Variants in PDGFD observed in about 807,000 individuals in gnomAD.
PDGFD encodes platelet-derived growth factor D.
In PDGFD, 30 loss-of-function variants were observed where a neutral mutation model predicts 44.7. That is an observed-to-expected ratio of 0.67 (90% confidence interval 0.50 to 0.91). The LOEUF is 0.91. Among genes scored for constraint, PDGFD ranks in the 40% least tolerant of loss-of-function variants. PDGFD has a pLI of 0.00. For missense variants in PDGFD, 445 were observed against 457.8 expected (o/e 0.97, Z 0.25); for synonymous variants, 173 against 168.4 (o/e 1.03, Z -0.21).
At chr11:104,105,078 C>T (rs1336697300) in intron 1 of PDGFD, among the ~76,000 whole-genome samples, 1 of 152,074 alleles carries the variant, frequency 6.6e-6, no homozygotes, top group Non-Finnish European at 1.5e-5. Flanking sequence ...AGACATTACT[C>T]ATATAAGTAA....
At chr11:103,995,057 T>A (rs555271558) in intron 3 of PDGFD, among the ~76,000 whole-genome samples, 1 of 152,200 alleles carries the variant, frequency 6.6e-6, no homozygotes, top group South Asian at 2.1e-4. Flanking sequence ...TTTTAAATTT[T>A]TTTTGTAGAG....
rs555293442 is a variant in PDGFD at position 104,035,494 on chromosome 11, T to A, written c.125-35239A>T. Among the ~76,000 whole-genome samples the A allele has an allele frequency of 6.6e-4, 97 of 146,398 alleles. 1 individual carries two copies. Among genetic ancestry groups the A allele is most frequent in the African/African-American group, 2.3e-3 (92 of 40,100 alleles). On this transcript the variant is annotated intron_variant, in intron 1 of 6. Coordinates refer to ENST00000393158, the MANE Select transcript of PDGFD (RefSeq NM_025208.5). ...AAGAAGCCTCTTCCTTAAGTCAATT[T>A]AAAAAAAAAAATCACAAACACCTGC...
intron 3 of PDGFD, among the ~76,000 whole-genome samples, chr11:103,995,535 G>A (rs1355606021): frequency 6.6e-6 from 1 of 152,098 alleles, no homozygotes; most frequent in Non-Finnish European, 1.5e-5. Context: ...ATACTCTTGG[G>A]TCCTCTATTG....
intron 5 of PDGFD, among the ~76,000 whole-genome samples, chr11:103,941,400 GT>G (rs766683227): frequency 2.0e-5 from 3 of 152,084 alleles, no homozygotes; most frequent in Non-Finnish European, 2.9e-5. Context: ...AGGTTAGGGG[GT>G]GGGTAGACAT....
intron 1 of PDGFD, among the ~76,000 whole-genome samples, chr11:104,049,268 A>G (rs79179576): frequency 4.6e-5 from 7 of 152,180 alleles, no homozygotes; most frequent in Non-Finnish European, 8.8e-5. Context: ...TATTTGAGGA[A>G]GAACCTGGAT....
chr11:104,138,516 G>A (rs1188013365), intron 1 of PDGFD, among the ~76,000 whole-genome samples: 7 of 152,112 alleles, frequency 4.6e-5, no homozygotes, highest in African/African-American at 1.2e-4. Context: ...TCTTTAAAAC[G>A]GTGGTCCACA....
chr11:103,976,928 AATAG>A (rs1368663861), intron 3 of PDGFD, among the ~76,000 whole-genome samples: 1 of 152,006 alleles, frequency 6.6e-6, no homozygotes, highest in Non-Finnish European at 1.5e-5. Context: ...AGATTAACAA[AATAG>A]ATAGACCACT....
At chr11:104,163,514 C>T (rs1862420329) in intron 1 of PDGFD, among the ~76,000 whole-genome samples, 1 of 152,118 alleles carries the variant, frequency 6.6e-6, no homozygotes, top group Non-Finnish European at 1.5e-5. Flanking sequence ...TGAGGCACCG[C>T]ATCCTGGTAC....
At chr11:104,097,898 T>C (rs775067656) in intron 1 of PDGFD, among the ~76,000 whole-genome samples, 2 of 152,158 alleles carry the variant, frequency 1.3e-5, no homozygotes, top group South Asian at 4.1e-4. Flanking sequence ...TAGTGGGGTC[T>C]AAATTTTAAT....
At chr11:103,912,235 T>G (rs1858039401) in intron 6 of PDGFD, among the ~76,000 whole-genome samples, 2 of 152,138 alleles carry the variant, frequency 1.3e-5, no homozygotes, top group South Asian at 4.2e-4. Context: ...GAGAGAAAGG[T>G]TGGGTTACCC....
intron 6 of PDGFD, among the ~76,000 whole-genome samples, chr11:103,911,072 C>G (rs1417450257): frequency 1.3e-5 from 2 of 152,252 alleles, no homozygotes; most frequent in Admixed American, 1.3e-4. Flanking sequence ...GAAAGAAAGG[C>G]AGCAGCCCCA....
chr11:104,113,519 C>A (rs1431502002), intron 1 of PDGFD, among the ~76,000 whole-genome samples: 1 of 151,544 alleles, frequency 6.6e-6, no homozygotes, highest in Non-Finnish European at 1.5e-5. Context: ...CCTATGTACA[C>A]AAGGATATCT....
chr11:104,088,147 T>C (rs559320111), intron 1 of PDGFD, among the ~76,000 whole-genome samples: 1 of 152,364 alleles, frequency 6.6e-6, no homozygotes, highest in East Asian at 1.9e-4. Context: ...GTTCCTTTAA[T>C]GCAGGGTTTA....
chr11:103,952,401 CT>C (rs1177539569), intron 3 of PDGFD, among the ~76,000 whole-genome samples: 8 of 152,208 alleles, frequency 5.3e-5, no homozygotes, highest in Admixed American at 5.2e-4. Flanking sequence ...TGGTACACAG[CT>C]TTTGACTTCC....
intron 1 of PDGFD, among the ~76,000 whole-genome samples, chr11:104,028,361 A>C (rs11226118): frequency 0.096 from 14,564 of 151,744 alleles, 808 homozygotes; most frequent in African/African-American, 0.15. Context: ...TGCTAGATAA[A>C]TTTGCTATAT....
At chr11:104,137,728 C>CTTTT (rs5794295) in intron 1 of PDGFD, among the ~76,000 whole-genome samples, 6 of 76,616 alleles carry the variant, frequency 7.8e-5, no homozygotes, top group Non-Finnish European at 9.9e-5. Context: ...TAGATCACCA[C>CTTTT]TTTTTTTTTT....
intron 1 of PDGFD, among the ~76,000 whole-genome samples, chr11:104,138,306 A>G (rs1862039361): frequency 6.6e-6 from 1 of 152,216 alleles, no homozygotes; most frequent in African/African-American, 2.4e-5. Context: ...AAACCCAAAG[A>G]GGAAATCCAC....
intron 1 of PDGFD, among the ~76,000 whole-genome samples, chr11:104,133,239 T>C (rs1220336621): frequency 6.6e-6 from 1 of 152,172 alleles, no homozygotes; most frequent in Non-Finnish European, 1.5e-5. Flanking sequence ...CAATGTCATC[T>C]TTCCTACTTT....
intron 1 of PDGFD, among the ~76,000 whole-genome samples, chr11:104,155,237 T>A (rs2408843): frequency 0.44 from 66,451 of 152,078 alleles, 14,611 homozygotes; most frequent in East Asian, 0.61. Context: ...CCATTTACAG[T>A]TTATGAACCT....
Sources: allele counts gnomAD v4.1 joint callset (sites outside exome capture counted in the v4.1 genomes callset), GRCh38; gene constraint gnomAD v4.1.1; transcripts MANE v1.5; gene names NCBI Gene and HGNC (gene_info 2026-07-23, HGNC 2026-07-21).